Variants in MIPEP observed in about 807,000 individuals in gnomAD.
The protein encoded by MIPEP is mitochondrial intermediate peptidase.
MIPEP carries 79 observed loss-of-function variants against 90.3 expected under a neutral mutation model. The observed-to-expected ratio is 0.87, with a 90% CI of 0.73 to 1.05. The LOEUF (loss-of-function observed/expected upper bound fraction) is 1.05. Among genes scored for constraint, MIPEP ranks in the 50% least tolerant of loss-of-function variants. The pLI, the probability that MIPEP is intolerant of heterozygous loss-of-function variation, is 0.00. For synonymous variants in MIPEP, 334 were observed against 315.8 expected (o/e 1.06, Z -0.61); for missense variants, 940 against 905.6 (o/e 1.04, Z -0.49).
At chr13:23,784,825 G>A (rs1433078963) in intron 16 of MIPEP, among the ~76,000 whole-genome samples, 2 of 152,148 alleles carry the variant, frequency 1.3e-5, no homozygotes, top group African/African-American at 4.8e-5. Context: ...AAAAGTGGGT[G>A]AAGGATATGA....
intron 16 of MIPEP, among the ~76,000 whole-genome samples, chr13:23,776,717 C>T (rs921374527): frequency 4.0e-5 from 6 of 151,808 alleles, no homozygotes; most frequent in African/African-American, 1.5e-4. Flanking sequence ...GTAGAATAAG[C>T]AAAATCACTG....
chr13:23,765,479 G>A (rs1037278190), intron 16 of MIPEP, among the ~76,000 whole-genome samples: 4 of 152,200 alleles, frequency 2.6e-5, no homozygotes, highest in Non-Finnish European at 4.4e-5. Context: ...AGGTATGTAT[G>A]TATAGTATAT....
At position 23,754,824 on chromosome 13, in the gene MIPEP, C is replaced by A. The variant is rs373720885; in HGVS notation, c.2044+1721G>T. On this transcript the variant is annotated intron_variant, in intron 18 of 18. Coordinates refer to ENST00000382172, the MANE Select transcript of MIPEP (RefSeq NM_005932.4). ...CTACCAACCACCAGCCAAAAGTATA[C>A]AATGTACCCAATCAGTAGCTTATTA... 2.6e-5 allele frequency among the ~76,000 whole-genome samples: 4 copies of A among 152,306 alleles called. No homozygotes were observed. In the East Asian group the frequency reaches 7.7e-4, roughly 29 times the overall value.
chr13:23,851,307 C>A (rs1249309935), intron 10 of MIPEP, among the ~76,000 whole-genome samples: 1 of 152,160 alleles, frequency 6.6e-6, no homozygotes, highest in African/African-American at 2.4e-5. Context: ...GATTTGGCAT[C>A]CCTCCAAAAT....
chr13:23,733,241 G>A (rs2138476291), intron 18 of MIPEP, among the ~76,000 whole-genome samples: 1 of 152,276 alleles, frequency 6.6e-6, no homozygotes, highest in South Asian at 2.1e-4. Context: ...GATTCAGCAG[G>A]TTTGTGGAGG....
intron 2 of MIPEP, among the ~76,000 whole-genome samples, chr13:23,885,100 C>T (rs1365085371): frequency 6.6e-6 from 1 of 152,122 alleles, no homozygotes; most frequent in East Asian, 1.9e-4. Context: ...TACTTACACA[C>T]AATGGAATGC....
intron 14 of MIPEP, among the ~76,000 whole-genome samples, chr13:23,825,136 A>G (rs1407196065): frequency 6.6e-6 from 1 of 152,230 alleles, no homozygotes; most frequent in Non-Finnish European, 1.5e-5. Context: ...GACAAGTTCA[A>G]TGACTGGTCT....
chr13:23,772,499 A>G (rs1019917101), intron 16 of MIPEP, among the ~76,000 whole-genome samples: 1 of 152,216 alleles, frequency 6.6e-6, no homozygotes, highest in Non-Finnish European at 1.5e-5. Flanking sequence ...TCTTACAATT[A>G]TTAGTATAAA....
chr13:23,851,872 T>G (rs1225062036), intron 10 of MIPEP, among the ~76,000 whole-genome samples: 1 of 152,144 alleles, frequency 6.6e-6, no homozygotes, highest in East Asian at 1.9e-4. Flanking sequence ...TCACATCTTT[T>G]GATGTGATGT....
chr13:23,848,728 A>G (rs1333877835), intron 10 of MIPEP, among the ~76,000 whole-genome samples: 4 of 152,192 alleles, frequency 2.6e-5, no homozygotes, highest in African/African-American at 9.6e-5. Flanking sequence ...AGGGGATTCA[A>G]GCAAATGGGG....
At chr13:23,741,227 T>A (rs1952325117) in intron 18 of MIPEP, among the ~76,000 whole-genome samples, 1 of 152,196 alleles carries the variant, frequency 6.6e-6, no homozygotes, top group African/African-American at 2.4e-5. Context: ...GGCGGGGGTA[T>A]AAATTAGTTC....
At chr13:23,844,140 T>C (rs373498520) in intron 10 of MIPEP, among the ~76,000 whole-genome samples, 2 of 150,050 alleles carry the variant, frequency 1.3e-5, no homozygotes, top group African/African-American at 2.5e-5. Flanking sequence ...ATTAGAGCCA[T>C]AGAGGGAGAC....
intron 3 of MIPEP, 65 bp from the exon 4 acceptor site, chr13:23,879,419 A>AAAAGAATGGTGTCAGCTTGT: frequency 1.2e-6 from 1 of 867,316 alleles, no homozygotes; most frequent in East Asian, 2.5e-5. Flanking sequence ...ACTTTACATG[A>AAAAGAATGGTGTCAGCTTGT]AAAGAATGGT....
intron 5 of MIPEP, among the ~76,000 whole-genome samples, chr13:23,873,070 GAAAT>G (rs1156742633): frequency 1.3e-5 from 2 of 152,340 alleles, no homozygotes; most frequent in East Asian, 3.9e-4. Flanking sequence ...CCACATGACT[GAAAT>G]AAGTAAAATA....
chr13:23,788,395 G>A (rs1485255226), intron 16 of MIPEP, among the ~76,000 whole-genome samples: 2 of 152,144 alleles, frequency 1.3e-5, no homozygotes, highest in African/African-American at 2.4e-5. Flanking sequence ...CAGTGGGCCC[G>A]TCTCGCACTA....
chr13:23,759,158 G>C (rs758486581), intron 17 of MIPEP, among the ~76,000 whole-genome samples: 17 of 152,128 alleles, frequency 1.1e-4, no homozygotes, highest in African/African-American at 4.1e-4. Flanking sequence ...GCCTTCTAAG[G>C]AATCATAGGA....
At chr13:23,772,048 GC>G (rs111315438) in intron 16 of MIPEP, among the ~76,000 whole-genome samples, 1 of 151,976 alleles carries the variant, frequency 6.6e-6, no homozygotes, top group African/African-American at 2.4e-5. Context: ...CGTAACAACT[GC>G]CCCCCCACTT....
intron 9 of MIPEP, among the ~76,000 whole-genome samples, chr13:23,861,544 A>G (rs1403686501): frequency 2.0e-5 from 3 of 152,234 alleles, no homozygotes; most frequent in East Asian, 1.9e-4. Flanking sequence ...CTGGGAAGCT[A>G]GTAAACAGTT....
chr13:23,789,914 G>A (rs967365224), intron 16 of MIPEP, among the ~76,000 whole-genome samples: 8 of 152,058 alleles, frequency 5.3e-5, no homozygotes, highest in African/African-American at 1.5e-4. Flanking sequence ...TCCACTTTCT[G>A]CCCTCTTCTT....
Sources: gnomAD v4.1 joint callset for allele counts (sites outside exome capture counted in the v4.1 genomes callset) on GRCh38, gnomAD v4.1.1 for gene constraint, MANE v1.5 for transcripts, NCBI Gene and HGNC (gene_info 2026-07-23, HGNC 2026-07-21) for gene names.